Variants in PMM2 observed in about 807,000 individuals in gnomAD.
PMM2 encodes mannose-6-phosphate isomerase.
A neutral mutation model predicts 33.2 loss-of-function variants in PMM2; 35 were observed. The ratio of observed to expected loss-of-function variants is 1.06; its 90% CI spans 0.81 to 1.40. PMM2 has a LOEUF of 1.40. Ranked by LOEUF, PMM2 falls within the 40% of genes most tolerant of loss-of-function variation. PMM2 has a pLI of 0.00. For missense variants in PMM2, 386 were observed against 306.0 expected (o/e 1.26, Z -1.95); for synonymous variants, 153 against 114.7 (o/e 1.33, Z -2.13).
In PMM2 at chr16:8,834,142, C is replaced by G. The variant is rs370324286; in HGVS notation, c.640-13582C>G. Among the ~76,000 whole-genome samples the G allele has an allele frequency of 2.0e-5, 3 of 152,326 alleles. No individual in the cohort carries two copies. In the South Asian group the frequency reaches 6.2e-4, roughly 32 times the overall value. On this transcript the variant is annotated intron_variant, in intron 7 of 7. Coordinates refer to ENST00000268261, the MANE Select transcript of PMM2 (RefSeq NM_000303.3). Reference sequence around the variant, plus strand: ...TACATGGGCTGTACCTTGTAGCATTCTGAGGACAGGCCTGAATTCTGAGAA... The same window carrying G: ...TACATGGGCTGTACCTTGTAGCATTGTGAGGACAGGCCTGAATTCTGAGAA...
rs755769527 is a variant in PMM2 at position 8,801,860 on chromosome 16, T to G, written c.128T>G (p.Val43Gly). ...QKLRQKIKIG[V>G]VGGSDFEKVQ... ...TTGAGGCAGAAGATCAAAATCGGAG[T>G]GGTAGGCGGATCGGACTTTGAGAAA... Residue 43 changes from valine (V) to glycine (G), a missense_variant, in exon 2 of 8, where the codon GTG becomes GGG. Val to Gly is a moderately radical substitution (Grantham distance 109). Coordinates refer to ENST00000268261, the MANE Select transcript of PMM2 (RefSeq NM_000303.3). The G allele has an allele frequency of 2.5e-6, 4 of 1,612,018 alleles. No individual in the cohort carries two copies. In the South Asian group the frequency reaches 4.4e-5, roughly 18 times the overall value.
intron 4 of PMM2, chr16:8,810,390 C>G (rs138488723): frequency 6.6e-6 from 1 of 152,336 alleles, no homozygotes; most frequent in Non-Finnish European, 1.5e-5. Flanking sequence ...TGCTGGAAAT[C>G]ATTTTCATAG....
At chr16:8,816,173 C>G (rs2060707013) in intron 7 of PMM2, among the ~76,000 whole-genome samples, 1 of 152,002 alleles carries the variant, frequency 6.6e-6, no homozygotes, top group Non-Finnish European at 1.5e-5. Context: ...GTCACCCAGG[C>G]TGGAGTGCAG....
At chr16:8,833,806 C>T (rs2060826623) in intron 7 of PMM2, among the ~76,000 whole-genome samples, 1 of 152,246 alleles carries the variant, frequency 6.6e-6, no homozygotes, top group African/African-American at 2.4e-5. Flanking sequence ...GGACCTATGA[C>T]ATCTGATTAG....
intron 3 of PMM2, among the ~76,000 whole-genome samples, chr16:8,805,270 G>A (rs2060640786): frequency 6.6e-6 from 1 of 152,088 alleles, no homozygotes; most frequent in Admixed American, 6.5e-5. Flanking sequence ...GTTTCACCAT[G>A]TTGGCCAGGC....
At chr16:8,845,395 C>T (rs1399700188) in intron 7 of PMM2, among the ~76,000 whole-genome samples, 4 of 152,122 alleles carry the variant, frequency 2.6e-5, no homozygotes, top group African/African-American at 9.7e-5. Flanking sequence ...TTCAGGCCAT[C>T]TGGATGTACA....
chr16:8,847,539 A>G, intron 7 of PMM2, 185 bp from the exon 8 acceptor site: 1 of 609,678 alleles, frequency 1.6e-6, no homozygotes, highest in East Asian at 2.8e-5. Flanking sequence ...AGAAGGTTAT[A>G]AATCTCTTCT....
intron 7 of PMM2, among the ~76,000 whole-genome samples, chr16:8,828,133 C>A (rs1438320580): frequency 1.6e-4 from 23 of 145,216 alleles, no homozygotes; most frequent in Admixed American, 5.0e-4. Context: ...CCACAGGTAA[C>A]CTCCTAGCAA....
At chr16:8,801,984 G>A (rs1367778259) in intron 2 of PMM2, 74 bp downstream of exon 2, 2 of 1,064,990 alleles carry the variant, frequency 1.9e-6, no homozygotes, top group African/African-American at 1.6e-5. Flanking sequence ...AAGTATCATA[G>A]GCTGCCCTAA....
At chr16:8,839,904 A>G (rs1488828198) in intron 7 of PMM2, among the ~76,000 whole-genome samples, 1 of 144,174 alleles carries the variant, frequency 6.9e-6, no homozygotes, top group Non-Finnish European at 1.5e-5. Context: ...TTTTTTAAAT[A>G]AGTGTGAAGG....
intron 7 of PMM2, among the ~76,000 whole-genome samples, chr16:8,845,929 C>A (rs887259067): frequency 1.3e-5 from 2 of 152,052 alleles, no homozygotes; most frequent in African/African-American, 4.8e-5. Flanking sequence ...ATAGCAAGAC[C>A]CTATGTCCGA....
At chr16:8,845,041 A>C (rs370097684) in intron 7 of PMM2, among the ~76,000 whole-genome samples, 1 of 152,218 alleles carries the variant, frequency 6.6e-6, no homozygotes, top group African/African-American at 2.4e-5. Context: ...ATGCGCGTCC[A>C]TGTGAAGAGA....
intron 7 of PMM2, among the ~76,000 whole-genome samples, chr16:8,821,777 C>T (rs537451160): frequency 9.8e-5 from 15 of 152,370 alleles, no homozygotes; most frequent in Non-Finnish European, 2.2e-4. Flanking sequence ...GTCACTGGTG[C>T]TCAGCCCTGG....
rs80338708 is a variant in PMM2 at position 8,847,794 on chromosome 16, C to G, written c.710C>G (p.Thr237Arg). ...TACTCCGTGACAGCGCCTGAGGACA[C>G]GCGCAGGATCTGTGAACTGCTGTTC... ...MGYSVTAPED[T>R]RRICELLFS Residue 237 changes from threonine (T) to arginine (R), a missense_variant, in exon 8 of 8, where the codon ACG becomes AGG. Physicochemically the swap from Thr to Arg is moderately conservative, Grantham distance 71. Coordinates refer to ENST00000268261, the MANE Select transcript of PMM2 (RefSeq NM_000303.3). 274 of 1,613,588 alleles carry G rather than the reference C, an allele frequency of 1.7e-4. No individual in the cohort carries two copies. The highest frequency in any genetic ancestry group is 2.3e-4 in the Non-Finnish European group (267 of 1,179,636).
chr16:8,801,729 A>T, intron 1 of PMM2, 70 bp from the exon 2 acceptor site: 1 of 969,120 alleles, frequency 1.0e-6, no homozygotes, highest in Non-Finnish European at 1.6e-6. Context: ...TACTTGTGTT[A>T]CCCTTAGAGT....
Position 8,811,118 on chromosome 16 carries a change from G to A in PMM2, c.387G>A (p.Val129=), listed in dbSNP as rs1310455453. The A allele has an allele frequency of 6.3e-7, 1 of 1,577,414 alleles. No homozygotes were observed. Among genetic ancestry groups the A allele is most frequent in the East Asian group, 2.3e-5 (1 of 43,642 alleles). The part of the protein sequence containing the change: ...FIEFRNGMLN[V]SPIGRSCSQE... ...AATTCCGAAATGGGATGTTAAACGT[G>A]TCCCCTATTGGAAGAAGCTGCAGCC... Residue 129 remains valine (V), a synonymous_variant, in exon 5 of 8, where the codon GTG becomes GTA. Transcript: ENST00000268261.
intron 7 of PMM2, among the ~76,000 whole-genome samples, chr16:8,820,233 G>A (rs1245311441): frequency 6.6e-6 from 1 of 152,010 alleles, no homozygotes; most frequent in African/African-American, 2.4e-5. Flanking sequence ...TAGCTTAAAA[G>A]AGGTTTGTAT....
rs116947920 is a variant in PMM2, at chr16:8,838,926, G to T, written c.640-8798G>T. The stretch of plus-strand genomic sequence containing the variant: ...CAGAGTCCTCTTTTTTCAACAGTGA[G>T]TAAGCAAGGCCTCGGTGGTTTTGGA... On this transcript the variant is annotated intron_variant, in intron 7 of 7. Transcript: ENST00000268261. Among the ~76,000 whole-genome samples, 501 of 152,032 alleles carry T rather than the reference G, an allele frequency of 3.3e-3. 5 individuals carry two copies. Among genetic ancestry groups the T allele is most frequent in the Middle Eastern group, 0.01 (3 of 294 alleles).
In PMM2 at chr16:8,829,915, C is replaced by T. The variant is rs138789194; in HGVS notation, c.639+16809C>T. Among the ~76,000 whole-genome samples the T allele has an allele frequency of 4.1e-3, 631 of 152,322 alleles. 4 individuals carry two copies. The highest frequency in any genetic ancestry group is 0.011 in the South Asian group (55 of 4,828). Reference sequence around the variant, plus strand: ...AAGAGTATTCCTCCAAACAAGTCCCCTATTCTCTGTACAATTAGGGCAGAT... The same window carrying T: ...AAGAGTATTCCTCCAAACAAGTCCCTTATTCTCTGTACAATTAGGGCAGAT... On this transcript the variant is annotated intron_variant, in intron 7 of 7. Transcript: ENST00000268261.
Sources: gnomAD v4.1 joint callset for allele counts (sites outside exome capture counted in the v4.1 genomes callset) on GRCh38, gnomAD v4.1.1 for gene constraint, MANE v1.5 for transcripts, NCBI Gene and HGNC (gene_info 2026-07-23, HGNC 2026-07-21) for gene names.